Variants in SDK2 observed in about 807,000 individuals in gnomAD.
SDK2 encodes the protein protein sidekick-2.
A neutral mutation model predicts 253.9 loss-of-function variants in SDK2; 105 were observed. That is an observed-to-expected ratio of 0.41 (90% confidence interval 0.35 to 0.49). SDK2 has a LOEUF of 0.49. SDK2 is among the 20% of genes least tolerant of loss of function. The pLI is 0.06. For synonymous variants in SDK2, 1,249 were observed against 1,234.9 expected (o/e 1.01, Z -0.24); for missense variants, 2,608 against 3,003.0 (o/e 0.87, Z 3.07).
intron 1 of SDK2, among the ~76,000 whole-genome samples, chr17:73,537,168 C>CAG (rs986335683): frequency 2.6e-5 from 4 of 152,186 alleles, no homozygotes; most frequent in Non-Finnish European, 4.4e-5. Context: ...TACTCAGCCG[C>CAG]AGATATTAAT....
At chr17:73,346,079 G>A (rs1290260913) in intron 44 of SDK2, among the ~76,000 whole-genome samples, 2 of 152,148 alleles carry the variant, frequency 1.3e-5, no homozygotes, top group Admixed American at 6.5e-5. Context: ...GGTGGCACAC[G>A]CGTGTAATCC....
intron 8 of SDK2, among the ~76,000 whole-genome samples, chr17:73,436,630 C>T (rs990266262): frequency 2.0e-5 from 3 of 150,886 alleles, no homozygotes; most frequent in African/African-American, 7.3e-5. Flanking sequence ...TGGCCACACC[C>T]TATTCCAAGG....
chr17:73,499,738 T>C lies in SDK2; in HGVS notation c.224+7700A>G, dbSNP rs1208799284. ...TTCTGACCCTCTCTGAACTTCAGGT[T>C]CTTCATTTGCAGAATGAAGGTAATG... On this transcript the variant is annotated intron_variant, in intron 2 of 44. Transcript: ENST00000392650. 3.9e-5 allele frequency among the ~76,000 whole-genome samples: 6 copies of C among 152,314 alleles called. No individual in the cohort carries two copies. The East Asian group carries it at 1.2e-3, about 29-fold the overall frequency.
Position 73,414,777 on chromosome 17 carries a change from A to C in SDK2, c.2369-18T>G. The C allele has an allele frequency of 2.6e-4, 386 of 1,469,832 alleles. No homozygotes were observed. The highest frequency in any genetic ancestry group is 3.4e-4 in the Non-Finnish European group (353 of 1,049,832). 91.0% of individuals were successfully genotyped at this position (1,469,832 alleles called of 1,614,324 possible). On this transcript the variant is annotated intron_variant, in intron 17 of 44. Coordinates refer to ENST00000392650, the MANE Select transcript of SDK2 (RefSeq NM_001144952.2). ...CGTGGGAACTAGAGGAGATGAGAGA[A>C]CGGGGTGGGGTGGAGGGGGCCCAGT...
rs114947011 is a variant in SDK2 at position 73,561,605 on chromosome 17, G to A, written c.65-54008C>T. Among the ~76,000 whole-genome samples, 1,261 of 152,320 alleles carry A rather than the reference G, an allele frequency of 8.3e-3. 25 individuals carry two copies. Among genetic ancestry groups the A allele is most frequent in the African/African-American group, 0.029 (1,206 of 41,554 alleles). ...TATGTCATGGGCCATCTTCCTGTAC[G>A]TGGCTGAGGTCTGGCCTCTGGTGGC... On this transcript the variant is annotated intron_variant, in intron 1 of 44. Transcript: ENST00000392650.
chr17:73,415,982 C>T lies in SDK2; in HGVS notation c.2197G>A (p.Ala733Thr). ...LKGYIIRYCL[A>T]GLPVGYQFKN... The stretch of plus-strand genomic sequence containing the variant: ...AACTGGTACCCCACGGGCAGCCCGG[C>T]CAGGCAGTACCTGAGGGGAAGAGGC... The change falls in exon 17 of 45, where the codon GCC (alanine) becomes ACC (threonine). Residue 733 changes from alanine to threonine, a missense_variant. Coordinates refer to ENST00000392650, the MANE Select transcript of SDK2 (RefSeq NM_001144952.2). The T allele has an allele frequency of 6.2e-7, 1 of 1,610,088 alleles. No homozygotes were observed. The highest frequency in any genetic ancestry group is 1.3e-5 in the African/African-American group (1 of 75,000).
chr17:73,579,589 G>A (rs2045504510), intron 1 of SDK2, among the ~76,000 whole-genome samples: 1 of 152,216 alleles, frequency 6.6e-6, no homozygotes, highest in Non-Finnish European at 1.5e-5. Flanking sequence ...TCAGCATGCA[G>A]CAGTGTTTGC....
At chr17:73,415,020 G>C (rs994133402) in intron 17 of SDK2, among the ~76,000 whole-genome samples, 1 of 152,220 alleles carries the variant, frequency 6.6e-6, no homozygotes. Flanking sequence ...GCTCTGGCAT[G>C]GTTTTCAGGT....
intron 1 of SDK2, among the ~76,000 whole-genome samples, chr17:73,533,786 C>G (rs985537022): frequency 6.6e-6 from 1 of 151,788 alleles, no homozygotes; most frequent in Non-Finnish European, 1.5e-5. Context: ...ACCAGCAGGC[C>G]CCTTCAGCCT....
chr17:73,389,846 T>C lies in SDK2; in HGVS notation c.4192+441A>G, dbSNP rs566147289. Among the ~76,000 whole-genome samples the C allele has an allele frequency of 2.0e-5, 3 of 152,246 alleles. No individual in the cohort carries two copies. The East Asian group carries it at 5.8e-4, about 30-fold the overall frequency. On this transcript the variant is annotated intron_variant, in intron 29 of 44. Coordinates refer to ENST00000392650, the MANE Select transcript of SDK2 (RefSeq NM_001144952.2). Reference sequence around the variant, plus strand: ...CTCACTGCAACCTCCGTCCCCCAGGTTCAAGTGATTCTCGTGTCTCAGCTT... The same window carrying C: ...CTCACTGCAACCTCCGTCCCCCAGGCTCAAGTGATTCTCGTGTCTCAGCTT...
At chr17:73,489,529 G>A (rs560538073) in intron 2 of SDK2, among the ~76,000 whole-genome samples, 2 of 152,184 alleles carry the variant, frequency 1.3e-5, no homozygotes, top group African/African-American at 2.4e-5. Context: ...TTCCTGTCCC[G>A]CTGAGTCCTG....
At chr17:73,403,086 G>A (rs929557533) in intron 18 of SDK2, among the ~76,000 whole-genome samples, 37 of 152,058 alleles carry the variant, frequency 2.4e-4, no homozygotes, top group African/African-American at 8.7e-4. Flanking sequence ...GGCATGAGCC[G>A]CTGTGCCCAG....
At chr17:73,384,209 A>G (rs1231686799) in intron 32 of SDK2, among the ~76,000 whole-genome samples, 198 bp from the exon 33 acceptor site, 2 of 152,190 alleles carry the variant, frequency 1.3e-5, no homozygotes, top group Non-Finnish European at 2.9e-5. Flanking sequence ...ATTCCCTAGA[A>G]GGAGGGAAGG....
At chr17:73,370,097 C>A (rs1476134066) in intron 36 of SDK2, among the ~76,000 whole-genome samples, 2 of 152,188 alleles carry the variant, frequency 1.3e-5, no homozygotes, top group Admixed American at 6.5e-5. Context: ...CTGCATGTCA[C>A]CGGCTTTTCA....
At chr17:73,401,780 C>A (rs778643740) in intron 19 of SDK2, 28 bp from the exon 20 acceptor site, 6 of 1,548,202 alleles carry the variant, frequency 3.9e-6, no homozygotes, top group African/African-American at 2.7e-5. Flanking sequence ...CCCCCACCCC[C>A]CAAGGCCAGT....
chr17:73,355,647 A>G (rs1287182351), intron 40 of SDK2, among the ~76,000 whole-genome samples: 2 of 151,958 alleles, frequency 1.3e-5, no homozygotes, highest in Non-Finnish European at 2.9e-5. Context: ...TGCCTGACCC[A>G]TCTTTTTGTT....
Position 73,415,809 on chromosome 17 carries a change from A to G in SDK2, c.2368+2T>C. ...TGGTCTGAGACCACAGTCTCTACCT[A>G]CCTCCCTGCAGCGTCCACTCGGTGA... On this transcript the variant is annotated splice_donor_variant, in intron 17 of 44. Coordinates refer to ENST00000392650, the MANE Select transcript of SDK2 (RefSeq NM_001144952.2). LOFTEE classifies it high-confidence loss of function. 1 of 1,550,888 alleles carries G rather than the reference A, an allele frequency of 6.4e-7. No homozygotes were observed. The highest frequency in any genetic ancestry group is 8.7e-7 in the Non-Finnish European group (1 of 1,146,612).
At position 73,352,763 on chromosome 17, in the gene SDK2, C is replaced by T. The variant is rs1055376214; in HGVS notation, c.5594-126G>A. On this transcript the variant is annotated intron_variant, in intron 40 of 44. Coordinates refer to ENST00000392650, the MANE Select transcript of SDK2 (RefSeq NM_001144952.2). This position sits in a 1 kb window ranked among gnomAD's most constrained non-coding sequence, Gnocchi z 4.1. ...GGATCCTCCCTGCTCCACACTGAAT[C>T]GCAGGCCTTGGTCCTCCCTTGAAGT... 8.3e-6 allele frequency: 8 copies of T among 963,252 alleles called. No homozygotes were observed. The highest frequency in any genetic ancestry group is 4.9e-5 in the African/African-American group (3 of 61,234). The allele number at this position is 963,252 out of a possible 1,614,324, so 59.7% of individuals were successfully genotyped here.
intron 1 of SDK2, among the ~76,000 whole-genome samples, chr17:73,589,783 G>A (rs549761084): frequency 1.3e-5 from 2 of 152,364 alleles, no homozygotes; most frequent in East Asian, 1.9e-4. Context: ...GAGGCAAGCC[G>A]CACATTTGGT....
Sources: gnomAD v4.1 joint callset for allele counts (sites outside exome capture counted in the v4.1 genomes callset) on GRCh38, gnomAD v4.1.1 for gene constraint, Gnocchi (gnomAD v3.1) non-coding constraint, MANE v1.5 for transcripts, NCBI Gene and HGNC (gene_info 2026-07-23, HGNC 2026-07-21) for gene names.